IMMP1L: variants seen among roughly 807,000 people sequenced by gnomAD.
IMMP1L encodes inner mitochondrial membrane peptidase subunit 1.
Under a neutral mutation model 21.8 loss-of-function variants are expected in IMMP1L, and 24 were observed. The observed-to-expected ratio is 1.10, with a 90% CI of 0.80 to 1.55. The LOEUF is 1.55. Among genes scored for constraint, IMMP1L ranks in the 40% most tolerant of loss-of-function variants. The probability of loss-of-function intolerance (pLI) is 0.00; values close to 1 mark genes in which losing one functional copy is unlikely to be tolerated. For missense variants in IMMP1L, 195 were observed against 200.7 expected (o/e 0.97, Z 0.17); for synonymous variants, 46 against 62.8 (o/e 0.73, Z 1.26).
intron 4 of IMMP1L, among the ~76,000 whole-genome samples, chr11:31,433,921 C>T (rs766864248): frequency 2.6e-5 from 4 of 152,096 alleles, no homozygotes; most frequent in African/African-American, 4.8e-5. Flanking sequence ...ACTGAAAATG[C>T]GCCCTTGTGT....
chr11:31,457,585 C>T (rs1953991030), intron 3 of IMMP1L, among the ~76,000 whole-genome samples: 2 of 152,236 alleles, frequency 1.3e-5, no homozygotes, highest in South Asian at 4.1e-4. Flanking sequence ...AATAACTGCT[C>T]TATAGAAGCA....
chr11:31,481,488 C>T (rs1446363817), intron 1 of IMMP1L, among the ~76,000 whole-genome samples: 1 of 151,828 alleles, frequency 6.6e-6, no homozygotes, highest in Non-Finnish European at 1.5e-5. Context: ...GACAAAAAAA[C>T]ACTTTTAAAT....
intron 1 of IMMP1L, among the ~76,000 whole-genome samples, chr11:31,485,087 G>A (rs917544779): frequency 9.2e-5 from 14 of 151,706 alleles, no homozygotes; most frequent in African/African-American, 3.4e-4. Flanking sequence ...AAATGGATAC[G>A]AAGTCAAATG....
intron 1 of IMMP1L, among the ~76,000 whole-genome samples, chr11:31,502,513 A>AGCCTGTG (rs1412998746): frequency 6.6e-6 from 1 of 152,218 alleles, no homozygotes; most frequent in African/African-American, 2.4e-5. Flanking sequence ...GAGCTTCAGG[A>AGCCTGTG]GCCTGTGGGA....
At chr11:31,490,833 T>C (rs1052555159) in intron 1 of IMMP1L, among the ~76,000 whole-genome samples, 5 of 152,124 alleles carry the variant, frequency 3.3e-5, no homozygotes, top group Admixed American at 1.3e-4. Flanking sequence ...TGTGAGATCA[T>C]AGTAGATTAC....
chr11:31,451,014 C>T (rs1591962494), intron 4 of IMMP1L, among the ~76,000 whole-genome samples: 1 of 152,106 alleles, frequency 6.6e-6, no homozygotes, highest in African/African-American at 2.4e-5. Flanking sequence ...CCAGGTGTTG[C>T]AAGCCATATA....
chr11:31,493,589 A>T (rs1034426178), intron 1 of IMMP1L, among the ~76,000 whole-genome samples: 11 of 152,206 alleles, frequency 7.2e-5, no homozygotes, highest in Non-Finnish European at 1.3e-4. Context: ...ATGCCTTTCC[A>T]ACAGTTCCCT....
intron 4 of IMMP1L, among the ~76,000 whole-genome samples, chr11:31,446,347 C>T (rs547735132): frequency 4.6e-5 from 7 of 152,306 alleles, no homozygotes; most frequent in African/African-American, 1.7e-4. Flanking sequence ...CCTAGCCATC[C>T]TCTAATAGTC....
intron 4 of IMMP1L, among the ~76,000 whole-genome samples, chr11:31,450,227 G>A (rs1484715243): frequency 2.0e-5 from 3 of 152,152 alleles, no homozygotes; most frequent in Non-Finnish European, 4.4e-5. Flanking sequence ...TATGACTACA[G>A]AAATGCAGAA....
chr11:31,448,745 A>G (rs1173975270), intron 4 of IMMP1L, among the ~76,000 whole-genome samples: 1 of 152,216 alleles, frequency 6.6e-6, no homozygotes, highest in Admixed American at 6.5e-5. Flanking sequence ...GATTATTATA[A>G]ACTCCATATT....
intron 3 of IMMP1L, among the ~76,000 whole-genome samples, chr11:31,460,161 A>G (rs1954087048): frequency 1.3e-5 from 2 of 152,144 alleles, no homozygotes; most frequent in South Asian, 4.2e-4. Context: ...CATCCAAAAA[A>G]TGTATATCAG....
intron 1 of IMMP1L, among the ~76,000 whole-genome samples, chr11:31,488,693 T>C (rs1955159043): frequency 1.3e-5 from 2 of 151,984 alleles, no homozygotes; most frequent in South Asian, 4.1e-4. Flanking sequence ...GATATAAGAC[T>C]AAATTAGATA....
chr11:31,484,498 T>C (rs2133765184), intron 1 of IMMP1L, among the ~76,000 whole-genome samples: 1 of 152,054 alleles, frequency 6.6e-6, no homozygotes, highest in South Asian at 2.1e-4. Context: ...GTTGTCATAG[T>C]TCATTTAACG....
chr11:31,435,724 A>T (rs866783822), intron 4 of IMMP1L, among the ~76,000 whole-genome samples: 1 of 152,062 alleles, frequency 6.6e-6, no homozygotes, highest in South Asian at 2.1e-4. Flanking sequence ...CTCATTTCAT[A>T]AGCACTCTTT....
intron 4 of IMMP1L, chr11:31,437,215 C>T (rs1319978788): frequency 2.1e-5 from 9 of 419,694 alleles, no homozygotes; most frequent in Non-Finnish European, 3.8e-5. Flanking sequence ...TGCATATACA[C>T]GAGATATCCA....
In IMMP1L at chr11:31,484,990, T is replaced by C. The variant is rs117063469; in HGVS notation, c.-29-21685A>G. Among the ~76,000 whole-genome samples the C allele has an allele frequency of 5.0e-3, 765 of 151,996 alleles. 13 individuals carry two copies. The highest frequency in any genetic ancestry group is 6.8e-3 in the Middle Eastern group (2 of 294). ...TGCCTAAATGTGCTGGGATAGCAAC[T>C]GTTTGTCTTTCTAATATCTCCTGTG... On this transcript the variant is annotated intron_variant, in intron 1 of 5. Coordinates refer to ENST00000532287, the MANE Select transcript of IMMP1L (RefSeq NM_001304274.2).
At chr11:31,505,430 A>T (rs1049697075) in intron 1 of IMMP1L, among the ~76,000 whole-genome samples, 70 of 152,216 alleles carry the variant, frequency 4.6e-4, no homozygotes, top group Non-Finnish European at 8.2e-4. Flanking sequence ...AGATGATGAG[A>T]AAGAAGTAGA....
intron 1 of IMMP1L, among the ~76,000 whole-genome samples, chr11:31,476,333 A>G (rs926812038): frequency 2.0e-5 from 3 of 152,064 alleles, no homozygotes; most frequent in Admixed American, 6.5e-5. Flanking sequence ...AAGTTTGGAA[A>G]TACAATTTGA....
intron 1 of IMMP1L, among the ~76,000 whole-genome samples, chr11:31,499,155 G>C (rs916624957): frequency 2.0e-5 from 3 of 152,128 alleles, no homozygotes; most frequent in African/African-American, 4.8e-5. Flanking sequence ...ACGAGGTCAG[G>C]AGATCAAGAC....
Sources: gnomAD v4.1 joint callset for allele counts (sites outside exome capture counted in the v4.1 genomes callset) on GRCh38, gnomAD v4.1.1 for gene constraint, MANE v1.5 for transcripts, NCBI Gene and HGNC (gene_info 2026-07-23, HGNC 2026-07-21) for gene names.